Variants in DNAJB6 observed in about 807,000 individuals in gnomAD.
DNAJB6 encodes the protein dnaJ homolog subfamily B member 6.
A neutral mutation model predicts 42.7 loss-of-function variants in DNAJB6; 16 were observed. The observed-to-expected ratio is 0.37, with a 90% CI of 0.25 to 0.57. The LOEUF (loss-of-function observed/expected upper bound fraction) is 0.57, where lower values mean the gene tolerates loss of function less well. Ranked by LOEUF, DNAJB6 falls within the 20% of genes least tolerant of loss-of-function variation. DNAJB6 has a pLI of 0.74. For synonymous variants in DNAJB6, 170 were observed against 163.5 expected (o/e 1.04, Z -0.30); for missense variants, 347 against 416.8 (o/e 0.83, Z 1.46).
intron 5 of DNAJB6, chr7:157,382,034 GT>G (rs1297698990): frequency 6.8e-6 from 3 of 443,958 alleles, no homozygotes; most frequent in Admixed American, 4.2e-5. Context: ...TTGATACAAT[GT>G]ATTGTAGTTT....
At chr7:157,367,331 C>A in intron 4 of DNAJB6, 42 bp from the exon 5 acceptor site, 1 of 1,331,352 alleles carries the variant, frequency 7.5e-7, no homozygotes, top group Non-Finnish European at 1.1e-6. Flanking sequence ...GCCTACAAAG[C>A]ACCAAAATTC....
At chr7:157,401,688 T>G (rs1478222270) in intron 8 of DNAJB6, among the ~76,000 whole-genome samples, 2 of 152,146 alleles carry the variant, frequency 1.3e-5, no homozygotes, top group African/African-American at 4.8e-5. Context: ...TGTGTCAAGG[T>G]GGGTGGAACT....
In DNAJB6 at chr7:157,397,554, C is replaced by T. The variant is rs114541787; in HGVS notation, c.691+11943C>T. ...AGGAGACTTTCCTCCTCATTGTCCT[C>T]AGCCTTCGCCCGTGCTCCGATTTCC... On this transcript the variant is annotated intron_variant, in intron 8 of 9. Transcript: ENST00000262177. 3.3e-3 allele frequency among the ~76,000 whole-genome samples: 505 copies of T among 152,356 alleles called. 3 individuals carry two copies. Among genetic ancestry groups the T allele is most frequent in the African/African-American group, 0.012 (483 of 41,576 alleles).
At chr7:157,365,565 T>C (rs974165569) in intron 3 of DNAJB6, among the ~76,000 whole-genome samples, 2 of 152,364 alleles carry the variant, frequency 1.3e-5, no homozygotes, top group Admixed American at 6.5e-5. Context: ...GGTGCACTTC[T>C]GTGGTTGCAA....
chr7:157,407,848 G>A (rs1434025819), intron 8 of DNAJB6, among the ~76,000 whole-genome samples: 2 of 152,192 alleles, frequency 1.3e-5, no homozygotes, highest in African/African-American at 2.4e-5. Context: ...GAGAAGCCAC[G>A]TCCTGGGTGT....
chr7:157,341,937 G>A (rs1035325864), intron 1 of DNAJB6, among the ~76,000 whole-genome samples: 2 of 152,138 alleles, frequency 1.3e-5, no homozygotes, highest in African/African-American at 4.8e-5. Flanking sequence ...CGCGATCTTG[G>A]CTCACCGCAA....
At chr7:157,415,213 C>T (rs1172416963) in intron 9 of DNAJB6, 2 of 152,260 alleles carry the variant, frequency 1.3e-5, no homozygotes, top group Admixed American at 6.5e-5. Context: ...CCTGCACCCA[C>T]GTTGGCACAC....
rs375148730 is a variant in DNAJB6 at position 157,384,896 on chromosome 7, G to A, written c.508G>A (p.Gly170Arg). 10 of 1,612,698 alleles carry A rather than the reference G, an allele frequency of 6.2e-6. No individual in the cohort carries two copies. Among genetic ancestry groups the A allele is most frequent in the Admixed American group, 3.3e-5 (2 of 59,956 alleles). The change falls in exon 7 of 10, where the codon GGG becomes AGG. Residue 170 changes from glycine to arginine, a missense_variant. Physicochemically the swap from Gly to Arg is moderately radical, Grantham distance 125. Around this residue, in one of 3 missense-constraint regions of DNAJB6, gnomAD observed 264 missense variants for 288.0 expected, o/e 0.92. Transcript: ENST00000262177. ...GFTSFGSLGH[G>R]GLTSFSSTSF... ...TACTTCATTTGGGTCACTAGGTCAC[G>A]GGGGCCTCACTTCATTCTCTTCCAC...
chr7:157,374,920 G>A (rs1800395044), intron 5 of DNAJB6, among the ~76,000 whole-genome samples: 1 of 152,212 alleles, frequency 6.6e-6, no homozygotes, highest in Admixed American at 6.5e-5. Context: ...TGAGCAAGAC[G>A]TTGCCTGAGT....
intron 1 of DNAJB6, among the ~76,000 whole-genome samples, chr7:157,352,448 C>T (rs1443166648): frequency 1.3e-5 from 2 of 151,732 alleles, no homozygotes; most frequent in African/African-American, 4.9e-5. Flanking sequence ...GTGGATTACT[C>T]TCTGAATATT....
At chr7:157,363,982 G>GT (rs1563123576) in intron 3 of DNAJB6, among the ~76,000 whole-genome samples, 1 of 152,204 alleles carries the variant, frequency 6.6e-6, no homozygotes, top group Admixed American at 6.5e-5. Context: ...GTGGCCTGTT[G>GT]TGAGCAAAGG....
At chr7:157,349,656 AT>A (rs1173114989) in intron 1 of DNAJB6, among the ~76,000 whole-genome samples, 8 of 151,584 alleles carry the variant, frequency 5.3e-5, no homozygotes, top group African/African-American at 1.9e-4. Context: ...TAATTATTTT[AT>A]TTTTTGAGAC....
intron 1 of DNAJB6, among the ~76,000 whole-genome samples, chr7:157,350,769 A>AACC: frequency 6.6e-6 from 1 of 151,566 alleles, no homozygotes; most frequent in East Asian, 1.9e-4. Context: ...GGCTCACTGC[A>AACC]ACCACCACCT....
chr7:157,395,286 CTGAA>C (rs1456187657), intron 8 of DNAJB6, among the ~76,000 whole-genome samples: 12 of 152,306 alleles, frequency 7.9e-5, no homozygotes, highest in African/African-American at 2.4e-4. Context: ...GCAATAGCAA[CTGAA>C]TGAAAAGCTC....
At chr7:157,389,759 A>T (rs1307948015) in intron 8 of DNAJB6, among the ~76,000 whole-genome samples, 1 of 152,254 alleles carries the variant, frequency 6.6e-6, no homozygotes, top group Non-Finnish European at 1.5e-5. Context: ...TTAGAAATCT[A>T]GACGTCACTG....
chr7:157,408,557 C>T (rs536990680), intron 8 of DNAJB6, among the ~76,000 whole-genome samples: 32 of 152,332 alleles, frequency 2.1e-4, no homozygotes, highest in South Asian at 4.1e-4. Context: ...GCATCACCAT[C>T]GTGGTCTCCA....
At chr7:157,384,626 G>C (rs934575257) in intron 6 of DNAJB6, among the ~76,000 whole-genome samples, 1 of 152,234 alleles carries the variant, frequency 6.6e-6, no homozygotes, top group African/African-American at 2.4e-5. Context: ...CATGAGGAGA[G>C]GGGGAGGGGA....
intron 1 of DNAJB6, among the ~76,000 whole-genome samples, chr7:157,352,802 C>G (rs1207081005): frequency 6.6e-6 from 1 of 152,148 alleles, no homozygotes; most frequent in African/African-American, 2.4e-5. Context: ...TCACCCACTT[C>G]ACAGGGTGGG....
chr7:157,349,681 G>C (rs919072504), intron 1 of DNAJB6, among the ~76,000 whole-genome samples: 2 of 152,098 alleles, frequency 1.3e-5, no homozygotes, highest in African/African-American at 4.8e-5. Context: ...GTCTCACTCT[G>C]TCATCCAGGC....
Sources: gnomAD v4.1 joint callset for allele counts (sites outside exome capture counted in the v4.1 genomes callset) on GRCh38, gnomAD v4.1.1 for gene constraint, gnomAD v4.1.1 regional missense constraint, MANE v1.5 for transcripts, NCBI Gene and HGNC (gene_info 2026-07-23, HGNC 2026-07-21) for gene names.